The following SLC36A1 variants were observed in gnomAD, a reference collection of about 807,000 sequenced individuals.
The protein encoded by SLC36A1 is solute carrier family 36 member 1.
Under a neutral mutation model 47.5 loss-of-function variants are expected in SLC36A1, and 30 were observed. That is an observed-to-expected ratio of 0.63 (90% confidence interval 0.47 to 0.86). SLC36A1 has a LOEUF of 0.86. SLC36A1 is among the 40% of genes least tolerant of loss of function. The pLI, the probability that SLC36A1 is intolerant of heterozygous loss-of-function variation, is 0.00. For missense variants in SLC36A1, 517 were observed against 606.0 expected, an observed-to-expected ratio of 0.85 and a Z score of 1.54; for synonymous variants, 255 against 249.7, an observed-to-expected ratio of 1.02 and a Z score of -0.20.
chr5:151,357,915 G>A, the SLC36A1 span, among the ~76,000 whole-genome samples: 56 of 152,312 alleles, frequency 3.7e-4, 1 homozygote, highest in Non-Finnish European at 1.5e-5. Context: ...GTTTAATTGA[G>A]CAAAGAATGA....
At chr5:151,498,919 T>TGC in the SLC36A1 span, among the ~76,000 whole-genome samples, 2 of 152,220 alleles carry the variant, frequency 1.3e-5, no homozygotes, top group Non-Finnish European at 1.5e-5. Flanking sequence ...CATACCTGCC[T>TGC]GCGCTGGAGA....
At chr5:151,540,370 C>T in the SLC36A1 span, among the ~76,000 whole-genome samples, 462 of 151,610 alleles carry the variant, frequency 3.0e-3, 3 homozygotes, top group African/African-American at 0.01. Context: ...ACTCTCTGTT[C>T]TCCTGCCCCT....
chr5:151,529,096 C>T, the SLC36A1 span: 75 of 1,189,940 alleles, frequency 6.3e-5, no homozygotes, highest in Non-Finnish European at 9.0e-5. Flanking sequence ...AATCCATGCT[C>T]ATAGATGGCT....
chr5:151,483,948 A>C (rs1759174306), intron 10 of SLC36A1, among the ~76,000 whole-genome samples: 1 of 152,214 alleles, frequency 6.6e-6, no homozygotes, highest in Non-Finnish European at 1.5e-5. Flanking sequence ...AATGTTCTTA[A>C]AATCTCTATT....
the SLC36A1 span, chr5:151,521,376 G>A: frequency 4.3e-6 from 7 of 1,614,248 alleles, no homozygotes; most frequent in Non-Finnish European, 5.9e-6. Flanking sequence ...GATGCACTGT[G>A]TTATGGCAGA....
Position 151,489,290 on chromosome 5 carries a change from T to C in SLC36A1, c.*1036T>C, listed in dbSNP as rs1238791048. On this transcript the variant is annotated 3_prime_UTR_variant, in exon 11 of 11. Coordinates refer to ENST00000243389, the MANE Select transcript of SLC36A1 (RefSeq NM_078483.4). This position sits in a 1 kb window ranked among gnomAD's most constrained non-coding sequence, Gnocchi z 4.5. ...GGCGTATAAAATGGGGCTGTGTGCA[T>C]GCAGGCCCATGTTTCAGCCTCAGCC... The C allele has an allele frequency of 6.6e-6, 1 of 152,594 alleles. No homozygotes were observed. Among genetic ancestry groups the C allele is most frequent in the South Asian group, 2.1e-4 (1 of 4,830 alleles). 9.5% of individuals were successfully genotyped at this position (152,594 alleles called of 1,614,324 possible). A position where few individuals can be genotyped will look rare whatever the true frequency, so the allele number is the denominator to read the frequency against.
rs141472711 is a variant in SLC36A1, at chr5:151,478,639, T to C, written c.990-681T>C. On this transcript the variant is annotated intron_variant, in intron 9 of 10. Transcript: ENST00000243389. ...TACACCTGTATGCCCATGGCAAAGA[T>C]TGAGATTTTCAAAAGGTATATAGAG... Among the ~76,000 whole-genome samples the C allele has an allele frequency of 2.1e-3, 323 of 152,308 alleles. 1 individual carries two copies. The highest frequency in any genetic ancestry group is 7.1e-3 in the African/African-American group (297 of 41,566).
At chr5:151,509,409 G>A in the SLC36A1 span, 2 of 152,680 alleles carry the variant, frequency 1.3e-5, no homozygotes, top group African/African-American at 4.8e-5. Context: ...CTGGGTCACG[G>A]ACCCATACTG....
the SLC36A1 span, chr5:151,553,146 G>A: frequency 1.9e-6 from 3 of 1,603,022 alleles, no homozygotes; most frequent in Non-Finnish European, 2.6e-6. Flanking sequence ...GGGAGGGGTT[G>A]GCCCTTGTTG....
At chr5:151,438,673 G>A (rs941002582) in intron 1 of SLC36A1, among the ~76,000 whole-genome samples, 2 of 152,178 alleles carry the variant, frequency 1.3e-5, no homozygotes, top group East Asian at 1.9e-4. Context: ...TCAGGCAGAG[G>A]TGTTCTCTGG....
At chr5:151,344,863 G>C in the SLC36A1 span, among the ~76,000 whole-genome samples, 2 of 152,146 alleles carry the variant, frequency 1.3e-5, no homozygotes, top group African/African-American at 2.4e-5. Flanking sequence ...GAAAGGGCAG[G>C]CAGAAACAAA....
At chr5:151,555,027 T>G in the SLC36A1 span, among the ~76,000 whole-genome samples, 106 of 152,200 alleles carry the variant, frequency 7.0e-4, no homozygotes, top group Non-Finnish European at 1.4e-3. Context: ...GTTGCTCGAT[T>G]AGAGAAAATA....
chr5:151,351,374 C>T, the SLC36A1 span, among the ~76,000 whole-genome samples: 1 of 150,686 alleles, frequency 6.6e-6, no homozygotes, highest in African/African-American at 2.4e-5. Flanking sequence ...AAGAGTGAAA[C>T]TCTGTCTCAA....
At chr5:151,413,505 G>A in the SLC36A1 span, among the ~76,000 whole-genome samples, 2 of 152,056 alleles carry the variant, frequency 1.3e-5, no homozygotes, top group African/African-American at 4.8e-5. Context: ...TATTATATAT[G>A]CATGTTTGAA....
chr5:151,373,179 T>A, the SLC36A1 span, among the ~76,000 whole-genome samples: 5 of 152,096 alleles, frequency 3.3e-5, no homozygotes, highest in Non-Finnish European at 5.9e-5. Context: ...ATGCCTGTAG[T>A]CCCAGCTACT....
At chr5:151,461,457 T>C (rs971467744) in intron 2 of SLC36A1, among the ~76,000 whole-genome samples, 2 of 152,140 alleles carry the variant, frequency 1.3e-5, no homozygotes, top group African/African-American at 2.4e-5. Flanking sequence ...TTCTTCCCCA[T>C]GCAAACTGAA....
the SLC36A1 span, among the ~76,000 whole-genome samples, chr5:151,398,747 G>A: frequency 6.6e-6 from 1 of 152,184 alleles, no homozygotes; most frequent in African/African-American, 2.4e-5. Context: ...AAATGAATTG[G>A]TCTGGGAGCT....
At chr5:151,543,975 A>G in the SLC36A1 span, 1 of 1,614,052 alleles carries the variant, frequency 6.2e-7, no homozygotes, top group African/African-American at 1.3e-5. Flanking sequence ...CATTGGCTTC[A>G]TATTGAGGTT....
At chr5:151,452,408 C>G (rs1210745553) in intron 1 of SLC36A1, 2 of 152,166 alleles carry the variant, frequency 1.3e-5, no homozygotes, top group Non-Finnish European at 1.5e-5. Flanking sequence ...TTCCAAAGTC[C>G]AAACCAATGT....
Sources: allele counts gnomAD v4.1 joint callset (sites outside exome capture counted in the v4.1 genomes callset), GRCh38; gene constraint gnomAD v4.1.1; non-coding constraint Gnocchi (gnomAD v3.1); transcripts MANE v1.5; gene names NCBI Gene and HGNC (gene_info 2026-07-23, HGNC 2026-07-21).